NRIP1: variants seen among roughly 807,000 people sequenced by gnomAD.
The protein encoded by NRIP1 is nuclear receptor interacting protein 1.
In NRIP1, 28 loss-of-function variants were observed where a neutral mutation model predicts 75.0. The ratio of observed to expected loss-of-function variants is 0.37; its 90% CI spans 0.28 to 0.51. The LOEUF (loss-of-function observed/expected upper bound fraction) is 0.51, where lower values mean the gene tolerates loss of function less well. NRIP1 is among the 20% of genes least tolerant of loss of function. The probability of loss-of-function intolerance (pLI) is 0.92; values close to 1 mark genes in which losing one functional copy is unlikely to be tolerated. For missense variants in NRIP1, 1,435 were observed against 1,343.7 expected (o/e 1.07, Z -1.06); for synonymous variants, 526 against 487.6 (o/e 1.08, Z -1.04).
rs1160065527 is a variant in NRIP1, at chr21:14,967,262, C to T, written c.931G>A (p.Asp311Asn). The change falls in exon 4 of 4, where the codon GAT (aspartate) becomes AAT (asparagine). Residue 311 changes from aspartate (D) to asparagine (N), a missense_variant. Physicochemically the swap from Asp to Asn is conservative, Grantham distance 23. Transcript: ENST00000318948. ...MARLQENGQK[D>N]VGSYQLPKGM... ...TTTGGGAGCTGGTAACTGCCAACAT[C>T]CTTCTGGCCATTTTCTTGCAATCTG... is the stretch of plus-strand genomic sequence containing the variant. 1 of 1,613,948 alleles carries T rather than the reference C, an allele frequency of 6.2e-7. No homozygotes were observed. The highest frequency in any genetic ancestry group is 1.7e-5 in the Admixed American group (1 of 59,960).
chr21:15,026,544 C>A (rs2088525782), intron 2 of NRIP1, among the ~76,000 whole-genome samples: 1 of 152,206 alleles, frequency 6.6e-6, no homozygotes, highest in Non-Finnish European at 1.5e-5. Context: ...GAGTCTTGCA[C>A]ATCTTCTTCA....
intron 2 of NRIP1, among the ~76,000 whole-genome samples, chr21:15,027,526 CAA>C (rs761432513): frequency 5.3e-5 from 8 of 152,132 alleles, no homozygotes; most frequent in Middle Eastern, 3.2e-3. Context: ...GAGATACACT[CAA>C]AAGAATTGAA....
chr21:15,017,208 A>T (rs1476490946), intron 2 of NRIP1, among the ~76,000 whole-genome samples: 3 of 152,130 alleles, frequency 2.0e-5, no homozygotes, highest in Non-Finnish European at 2.9e-5. Flanking sequence ...CTCTAGAGGA[A>T]CATTACTATT....
intron 1 of NRIP1, among the ~76,000 whole-genome samples, chr21:15,055,851 G>A (rs960898903): frequency 1.3e-5 from 2 of 151,760 alleles, no homozygotes; most frequent in Non-Finnish European, 1.5e-5. Flanking sequence ...AACTGTTTTG[G>A]GCATTTTAAC....
chr21:15,001,816 T>G lies in NRIP1; in HGVS notation c.-335+12528A>C, dbSNP rs373614124. On this transcript the variant is annotated intron_variant, in intron 3 of 3. Coordinates refer to ENST00000318948, the MANE Select transcript of NRIP1 (RefSeq NM_003489.4). Reference sequence around the variant, plus strand: ...ATTTAAAATAATTTTCTAAACTATGTCCATAACCACCTCCATGACTGCTCC... The same window carrying G: ...ATTTAAAATAATTTTCTAAACTATGGCCATAACCACCTCCATGACTGCTCC... Among the ~76,000 whole-genome samples the G allele has an allele frequency of 1.3e-4, 20 of 152,198 alleles. 3 individuals carry two copies. Among genetic ancestry groups the G allele is most frequent in the Admixed American group, 1.3e-3 (20 of 15,276 alleles).
upstream of NRIP1, chr21:15,065,104 G>C (rs1978770896): frequency 6.5e-6 from 1 of 153,148 alleles, no homozygotes. Flanking sequence ...GCCGCCCCAC[G>C]CCATTCAGCT....
chr21:15,033,599 A>T (rs1405397670), intron 2 of NRIP1, among the ~76,000 whole-genome samples: 1 of 152,242 alleles, frequency 6.6e-6, no homozygotes, highest in Non-Finnish European at 1.5e-5. Context: ...GTAAGTTTTA[A>T]AACAATTATC....
intron 1 of NRIP1, among the ~76,000 whole-genome samples, chr21:15,061,216 G>C (rs1277797484): frequency 6.6e-6 from 1 of 152,080 alleles, no homozygotes; most frequent in East Asian, 1.9e-4. Context: ...GGAAGACATG[G>C]GTATACAGGA....
chr21:15,038,678 T>C (rs1249462673), intron 2 of NRIP1, among the ~76,000 whole-genome samples: 1 of 152,118 alleles, frequency 6.6e-6, no homozygotes, highest in Non-Finnish European at 1.5e-5. Context: ...TTTCAAATTA[T>C]TCAAATCATC....
In NRIP1 at chr21:14,966,550, G is replaced by T; in HGVS notation, c.1643C>A (p.Thr548Asn). ...SVIESPSTNR[T>N]TPVSTPPLLT... ...TAAAGGTGGAGTGCTCACTGGAGTA[G>T]TCCGATTTGTACTGGGGCTTTCTAT... Residue 548 changes from threonine (T) to asparagine (N), a missense_variant, in exon 4 of 4, where the codon ACT becomes AAT. Transcript: ENST00000318948. The T allele has an allele frequency of 6.2e-7, 1 of 1,614,108 alleles. No homozygotes were observed. Among genetic ancestry groups the T allele is most frequent in the Non-Finnish European group, 8.5e-7 (1 of 1,179,990 alleles).
chr21:15,044,295 G>T (rs1434538447), intron 1 of NRIP1, among the ~76,000 whole-genome samples: 1 of 150,444 alleles, frequency 6.6e-6, no homozygotes, highest in African/African-American at 2.5e-5. Context: ...GTACCACTAG[G>T]AACAGAAAAT....
chr21:15,044,789 C>T (rs190145416), intron 1 of NRIP1, among the ~76,000 whole-genome samples: 39 of 152,204 alleles, frequency 2.6e-4, no homozygotes, highest in African/African-American at 8.2e-4. Flanking sequence ...CCCCAAAATC[C>T]AGCTCTTCAC....
At chr21:15,002,962 T>G (rs1220759144) in intron 3 of NRIP1, among the ~76,000 whole-genome samples, 1 of 152,160 alleles carries the variant, frequency 6.6e-6, no homozygotes, top group Non-Finnish European at 1.5e-5. Flanking sequence ...TATTTTCAGG[T>G]CTCAACAATT....
rs1302351307 is a variant in NRIP1 at position 15,064,959 on chromosome 21, T to G, written c.-752A>C. 6.7e-6 allele frequency: 1 copy of G among 150,310 alleles called. No individual in the cohort carries two copies. Among genetic ancestry groups the G allele is most frequent in the Non-Finnish European group, 1.5e-5 (1 of 67,510 alleles). The allele number at this position is 150,310 out of a possible 1,614,324, so 9.3% of individuals were successfully genotyped here. A position where few individuals can be genotyped will look rare whatever the true frequency, so the allele number is the denominator to read the frequency against. The stretch of plus-strand genomic sequence containing the variant: ...GTCCCTGCGCCTCGCCGCCGCCTCC[T>G]CCGCCGCCGCCTCCCGAGTTCGGGG... On this transcript the variant is annotated 5_prime_UTR_variant, in exon 1 of 4. Coordinates refer to ENST00000318948, the MANE Select transcript of NRIP1 (RefSeq NM_003489.4).
intron 3 of NRIP1, among the ~76,000 whole-genome samples, chr21:14,976,936 T>A (rs909385): frequency 0.18 from 27,134 of 152,130 alleles, 2,896 homozygotes; most frequent in Non-Finnish European, 0.24. Flanking sequence ...TCCAATTGTG[T>A]CCATGAGATC....
intron 2 of NRIP1, among the ~76,000 whole-genome samples, chr21:15,015,126 T>C (rs1391550126): frequency 2.0e-5 from 3 of 152,296 alleles, no homozygotes; most frequent in East Asian, 3.9e-4. Flanking sequence ...TAAATATGGA[T>C]GAATCTCAAA....
In NRIP1 at chr21:15,024,965, T is replaced by C. The variant is rs2147227676; in HGVS notation, c.-457-10499A>G. Among the ~76,000 whole-genome samples, 3 of 152,244 alleles carry C rather than the reference T, an allele frequency of 2.0e-5. No individual in the cohort carries two copies. In the East Asian group the frequency reaches 5.8e-4, roughly 29 times the overall value. On this transcript the variant is annotated intron_variant, in intron 2 of 3. Transcript: ENST00000318948. Reference sequence around the variant, plus strand: ...GAAAAGCAAATCAAGACCAATAAGATGCCATTTTGCATCCAATAAATTAAG... The same window carrying C: ...GAAAAGCAAATCAAGACCAATAAGACGCCATTTTGCATCCAATAAATTAAG...
At chr21:15,063,814 T>C (rs1327166408) in intron 1 of NRIP1, among the ~76,000 whole-genome samples, 1 of 152,214 alleles carries the variant, frequency 6.6e-6, no homozygotes, top group Non-Finnish European at 1.5e-5. Flanking sequence ...AAAGTGCTTA[T>C]CATTCCGTAC....
chr21:14,971,001 T>C (rs568066960), intron 3 of NRIP1, among the ~76,000 whole-genome samples: 1 of 152,350 alleles, frequency 6.6e-6, no homozygotes. Context: ...CTACCATTTA[T>C]TTCCTATCTT....
Sources: allele counts gnomAD v4.1 joint callset (sites outside exome capture counted in the v4.1 genomes callset), GRCh38; gene constraint gnomAD v4.1.1; transcripts MANE v1.5; gene names NCBI Gene and HGNC (gene_info 2026-07-23, HGNC 2026-07-21).